The following TMEM132B variants were observed in gnomAD, a reference collection of about 807,000 sequenced individuals.
The protein encoded by TMEM132B is transmembrane protein 132B.
A neutral mutation model predicts 90.8 loss-of-function variants in TMEM132B; 18 were observed. The observed-to-expected ratio is 0.20, with a 90% CI of 0.14 to 0.29. The LOEUF is 0.29. TMEM132B is among the 10% of genes least tolerant of loss of function. TMEM132B has a pLI of 1.00. For missense variants in TMEM132B, 1,096 were observed against 1,326.8 expected (o/e 0.83, Z 2.70); for synonymous variants, 504 against 523.3 (o/e 0.96, Z 0.50).
At chr12:125,610,190 A>C (rs1448440470) in intron 5 of TMEM132B, among the ~76,000 whole-genome samples, 1 of 152,084 alleles carries the variant, frequency 6.6e-6, no homozygotes, top group African/African-American at 2.4e-5. Context: ...ATGAGAGATA[A>C]TTCACTTTTT....
chr12:125,501,938 T>A (rs1328659108), intron 3 of TMEM132B, among the ~76,000 whole-genome samples: 1 of 152,214 alleles, frequency 6.6e-6, no homozygotes, highest in Non-Finnish European at 1.5e-5. Flanking sequence ...TCCAGTTGTG[T>A]GAAAATAGGG....
At chr12:125,294,594 T>C (rs1875621512) in intron 1 of TMEM132B, among the ~76,000 whole-genome samples, 1 of 152,250 alleles carries the variant, frequency 6.6e-6, no homozygotes, top group Admixed American at 6.5e-5. Flanking sequence ...AAGAGCTGCC[T>C]ATATATCAAC....
chr12:125,619,314 G>A (rs1886062578), intron 5 of TMEM132B, among the ~76,000 whole-genome samples: 1 of 151,754 alleles, frequency 6.6e-6, no homozygotes, highest in Non-Finnish European at 1.5e-5. Context: ...CCACCTGCCT[G>A]CTGTGGCATT....
chr12:125,425,129 G>C (rs1318240639), intron 3 of TMEM132B, among the ~76,000 whole-genome samples: 1 of 152,210 alleles, frequency 6.6e-6, no homozygotes, highest in Admixed American at 6.5e-5. Context: ...CTCAAGCTTG[G>C]TTAAGGAGAA....
At chr12:125,347,998 G>C (rs2136230286) in intron 1 of TMEM132B, among the ~76,000 whole-genome samples, 1 of 152,216 alleles carries the variant, frequency 6.6e-6, no homozygotes, top group East Asian at 1.9e-4. Context: ...TTTCGCCTTT[G>C]GGTTCTATAG....
intron 3 of TMEM132B, among the ~76,000 whole-genome samples, chr12:125,499,285 G>A (rs1323677626): frequency 2.0e-5 from 3 of 152,202 alleles, no homozygotes; most frequent in Non-Finnish European, 2.9e-5. Flanking sequence ...GCCTTTCAGA[G>A]GAGATTGGAT....
intron 3 of TMEM132B, among the ~76,000 whole-genome samples, chr12:125,510,980 T>A (rs1337034606): frequency 2.0e-5 from 3 of 152,250 alleles, no homozygotes; most frequent in African/African-American, 7.2e-5. Flanking sequence ...ATTCAGAAAG[T>A]CATGGAATCA....
chr12:125,628,714 G>C (rs1389346316), intron 5 of TMEM132B, among the ~76,000 whole-genome samples: 1 of 152,050 alleles, frequency 6.6e-6, no homozygotes, highest in African/African-American at 2.4e-5. Flanking sequence ...TATTCAAGAA[G>C]TTTTTGCCCA....
chr12:125,339,351 C>T (rs932695589), intron 1 of TMEM132B, among the ~76,000 whole-genome samples: 6 of 152,120 alleles, frequency 3.9e-5, no homozygotes, highest in African/African-American at 1.4e-4. Flanking sequence ...CCTTCTATGC[C>T]ACCACATGGT....
rs376180314 is a variant in TMEM132B at position 125,203,090 on chromosome 12, C to T, written c.67+16224C>T. Among the ~76,000 whole-genome samples, 34 of 152,278 alleles carry T rather than the reference C, an allele frequency of 2.2e-4. No individual in the cohort carries two copies. In the South Asian group the frequency reaches 7.1e-3, roughly 32 times the overall value. ...AGAATGTGCAGAAGCTTACGTCTGC[C>T]TCTATACTGAGCTCATCAGGGGCAA... On this transcript the variant is annotated intron_variant, in intron 1 of 8. Transcript: ENST00000682704.
intron 1 of TMEM132B, among the ~76,000 whole-genome samples, chr12:125,345,719 G>C (rs538603943): frequency 6.6e-6 from 1 of 152,254 alleles, no homozygotes; most frequent in Non-Finnish European, 1.5e-5. Context: ...CTCATAAGGA[G>C]GGCAGTGATG....
chr12:125,283,830 G>C (rs1448970632), intron 1 of TMEM132B, among the ~76,000 whole-genome samples: 2 of 152,240 alleles, frequency 1.3e-5, no homozygotes, highest in Non-Finnish European at 2.9e-5. Context: ...AGGAGTTTCA[G>C]TAGTGTTTGC....
rs534534314 is a variant in TMEM132B at position 125,498,475 on chromosome 12, C to A, written c.1107-20964C>A. Among the ~76,000 whole-genome samples, 104 of 152,310 alleles carry A rather than the reference C, an allele frequency of 6.8e-4. 2 individuals carry two copies. Among genetic ancestry groups the A allele is most frequent in the Non-Finnish European group, 4.3e-4 (29 of 68,028 alleles). On this transcript the variant is annotated intron_variant, in intron 3 of 8. Coordinates refer to ENST00000682704, the MANE Select transcript of TMEM132B (RefSeq NM_001366854.1). This position sits in a 1 kb window ranked among gnomAD's most constrained non-coding sequence, Gnocchi z 4.5. Reference sequence around the variant, plus strand: ...TGGAGACATCTAACCATGTTGTTAGCATGTTTCAGAGACAATATCTGACTT... The same window carrying A: ...TGGAGACATCTAACCATGTTGTTAGAATGTTTCAGAGACAATATCTGACTT...
At chr12:125,505,175 A>ACAAGCAAACAAAC in intron 3 of TMEM132B, among the ~76,000 whole-genome samples, 1 of 128,160 alleles carries the variant, frequency 7.8e-6, no homozygotes, top group African/African-American at 3.6e-5. Flanking sequence ...ACAAAAAAAA[A>ACAAGCAAACAAAC]AAAAAAAAAA....
intron 1 of TMEM132B, among the ~76,000 whole-genome samples, chr12:125,289,903 T>C (rs567079918): frequency 4.9e-4 from 75 of 152,336 alleles, no homozygotes; most frequent in African/African-American, 1.8e-3. Flanking sequence ...TGGGAAGGTT[T>C]CCAAGGCTTT....
At chr12:125,501,215 C>T (rs551038934) in intron 3 of TMEM132B, among the ~76,000 whole-genome samples, 4 of 152,142 alleles carry the variant, frequency 2.6e-5, no homozygotes, top group African/African-American at 4.8e-5. Context: ...AAGATACCCA[C>T]GTAAATATGA....
intron 5 of TMEM132B, among the ~76,000 whole-genome samples, chr12:125,604,209 A>G (rs905494031): frequency 1.1e-4 from 16 of 152,232 alleles, no homozygotes; most frequent in African/African-American, 2.7e-4. Flanking sequence ...ATGCCCATCA[A>G]TGATAGACTG....
At chr12:125,351,822 A>G (rs1294632193) in intron 2 of TMEM132B, among the ~76,000 whole-genome samples, 2 of 152,250 alleles carry the variant, frequency 1.3e-5, no homozygotes, top group Non-Finnish European at 2.9e-5. Context: ...ATGGTTGGAA[A>G]TATTGCAAAC....
Position 125,654,199 on chromosome 12 carries a change from G to A in TMEM132B, c.2741G>A (p.Cys914Tyr), listed in dbSNP as rs755740644. The stretch of plus-strand genomic sequence containing the variant: ...ATGTATGCCTTGCTCTGCGTCTTCT[G>A]TCTGGCCATTCTGGTCTTCTTGATC... ...IGMYALLCVF[C>Y]LAILVFLINC... The change falls in exon 9 of 9, where the codon TGT becomes TAT. Residue 914 changes from cysteine to tyrosine, a missense_variant. Cys to Tyr is a radical substitution (Grantham distance 194, BLOSUM62 -2). Coordinates refer to ENST00000682704, the MANE Select transcript of TMEM132B (RefSeq NM_001366854.1). The surrounding 1 kb of genome is among the most constrained non-coding windows in gnomAD (Gnocchi z 5.8). 2.5e-6 allele frequency: 4 copies of A among 1,614,112 alleles called. No individual in the cohort carries two copies. The highest frequency in any genetic ancestry group is 3.4e-6 in the Non-Finnish European group (4 of 1,180,050).
Sources: gnomAD v4.1 joint callset for allele counts (sites outside exome capture counted in the v4.1 genomes callset) on GRCh38, gnomAD v4.1.1 for gene constraint, Gnocchi (gnomAD v3.1) non-coding constraint, MANE v1.5 for transcripts, NCBI Gene and HGNC (gene_info 2026-07-23, HGNC 2026-07-21) for gene names.